The following LRMDA variants were observed in gnomAD, a reference collection of about 807,000 sequenced individuals.
LRMDA encodes the protein leucine-rich melanocyte differentiation-associated protein.
LRMDA carries 18 observed loss-of-function variants against 29.8 expected under a neutral mutation model. The ratio of observed to expected loss-of-function variants is 0.60; its 90% CI spans 0.42 to 0.90. LRMDA has a LOEUF of 0.90. Among genes scored for constraint, LRMDA ranks in the 40% least tolerant of loss-of-function variants. The pLI is 0.00. For missense variants in LRMDA, 273 were observed against 273.9 expected, an observed-to-expected ratio of 1.00 and a Z score of 0.02; for synonymous variants, 125 against 109.4, an observed-to-expected ratio of 1.14 and a Z score of -0.89.
chr10:76,078,176 A>AT, intron 5 of LRMDA, among the ~76,000 whole-genome samples: 1 of 150,892 alleles, frequency 6.6e-6, no homozygotes, highest in East Asian at 2.0e-4. Flanking sequence ...AGTCCGGCTA[A>AT]TTTTTTGTAT....
intron 2 of LRMDA, among the ~76,000 whole-genome samples, chr10:75,574,063 T>G (rs1341970830): frequency 6.6e-6 from 1 of 152,090 alleles, no homozygotes; most frequent in Non-Finnish European, 1.5e-5. Context: ...CCCCTTTTTA[T>G]ATATTGGGTA....
At chr10:76,399,256 G>A (rs999417590) in intron 6 of LRMDA, among the ~76,000 whole-genome samples, 17 of 152,130 alleles carry the variant, frequency 1.1e-4, no homozygotes, top group Admixed American at 2.6e-4. Flanking sequence ...AGGGGCCTTT[G>A]CCTGCATCTA....
At chr10:76,428,790 T>C (rs1842157687) in intron 6 of LRMDA, among the ~76,000 whole-genome samples, 1 of 152,040 alleles carries the variant, frequency 6.6e-6, no homozygotes, top group African/African-American at 2.4e-5. Flanking sequence ...AAAGAAACCA[T>C]ATTCAGGACT....
chr10:76,296,639 T>C (rs1423821899), intron 5 of LRMDA, among the ~76,000 whole-genome samples: 1 of 152,222 alleles, frequency 6.6e-6, no homozygotes, highest in Non-Finnish European at 1.5e-5. Flanking sequence ...TTAATAAAGT[T>C]TATTAAAACA....
chr10:76,031,990 C>T (rs147369433), intron 2 of LRMDA, among the ~76,000 whole-genome samples: 1 of 152,200 alleles, frequency 6.6e-6, no homozygotes, highest in Non-Finnish European at 1.5e-5. Context: ...ATTCTTAGCA[C>T]AGCCTAGATC....
chr10:76,276,329 T>G (rs1465327154), intron 5 of LRMDA, among the ~76,000 whole-genome samples: 1 of 151,514 alleles, frequency 6.6e-6, no homozygotes, highest in Non-Finnish European at 1.5e-5. Flanking sequence ...TTTTTTGCAG[T>G]GATGGGGTCT....
In LRMDA at chr10:75,811,566, C is replaced by A. The variant is rs185812518; in HGVS notation, c.132-224442C>A. On this transcript the variant is annotated intron_variant, in intron 2 of 6. Transcript: ENST00000611255. ...ATTTTAGGACTGAGGGCACTGAGAT[C>A]CAGAGAGATGTTACTTCAACAATCA... Among the ~76,000 whole-genome samples the A allele has an allele frequency of 2.1e-4, 32 of 152,250 alleles. 1 individual carries two copies. Among genetic ancestry groups the A allele is most frequent in the Non-Finnish European group, 3.7e-4 (25 of 68,026 alleles).
intron 5 of LRMDA, among the ~76,000 whole-genome samples, chr10:76,233,068 T>A (rs527647959): frequency 6.6e-6 from 1 of 152,344 alleles, no homozygotes; most frequent in Admixed American, 6.5e-5. Flanking sequence ...AGAATTTAAC[T>A]TGTAGCTTGG....
At chr10:76,042,686 T>A (rs935814109) in intron 3 of LRMDA, among the ~76,000 whole-genome samples, 1 of 152,188 alleles carries the variant, frequency 6.6e-6, no homozygotes, top group Non-Finnish European at 1.5e-5. Flanking sequence ...TAGAGAAACT[T>A]TTTTCCTGCA....
intron 2 of LRMDA, among the ~76,000 whole-genome samples, chr10:75,477,498 C>A: frequency 6.6e-6 from 1 of 152,306 alleles, no homozygotes; most frequent in Middle Eastern, 3.4e-3. Context: ...GAATCAAACA[C>A]CTACATGTTC....
At chr10:76,164,107 A>G (rs1589359071) in intron 5 of LRMDA, among the ~76,000 whole-genome samples, 1 of 150,208 alleles carries the variant, frequency 6.7e-6, no homozygotes, top group Non-Finnish European at 1.5e-5. Context: ...TTTAGAAATC[A>G]TTTAATTAAA....
chr10:76,189,652 A>C (rs1230031461), intron 5 of LRMDA, among the ~76,000 whole-genome samples: 4 of 152,200 alleles, frequency 2.6e-5, no homozygotes, highest in African/African-American at 9.6e-5. Context: ...GTATTGCTGT[A>C]TTTTCCTTGA....
chr10:76,152,115 A>C (rs1424859482), intron 5 of LRMDA, among the ~76,000 whole-genome samples: 1 of 152,174 alleles, frequency 6.6e-6, no homozygotes, highest in African/African-American at 2.4e-5. Context: ...ACCACTATTC[A>C]ATCAAAAACA....
chr10:76,378,878 A>T, intron 6 of LRMDA, among the ~76,000 whole-genome samples: 2 of 90,550 alleles, frequency 2.2e-5, no homozygotes, highest in East Asian at 2.9e-4. Flanking sequence ...TTTTTTTGAG[A>T]CGATGTCTTG....
At chr10:75,751,185 C>T (rs1360708380) in intron 2 of LRMDA, among the ~76,000 whole-genome samples, 2 of 152,186 alleles carry the variant, frequency 1.3e-5, no homozygotes, top group South Asian at 2.1e-4. Context: ...CGTGGCGGCG[C>T]GTGCCTGCAA....
chr10:75,988,690 AC>A (rs1185541477), intron 2 of LRMDA, among the ~76,000 whole-genome samples: 2 of 151,996 alleles, frequency 1.3e-5, no homozygotes, highest in Non-Finnish European at 1.5e-5. Context: ...GTTAGATGAG[AC>A]CCTGTTACTC....
At chr10:76,453,444 A>T (rs1321871716) in intron 6 of LRMDA, among the ~76,000 whole-genome samples, 1 of 152,200 alleles carries the variant, frequency 6.6e-6, no homozygotes, top group Admixed American at 6.5e-5. Context: ...TGAAACATGT[A>T]TTCCCAAGAC....
chr10:76,089,839 A>C (rs1479850984), intron 5 of LRMDA, among the ~76,000 whole-genome samples: 1 of 152,206 alleles, frequency 6.6e-6, no homozygotes, highest in African/African-American at 2.4e-5. Flanking sequence ...TGAAAAGTCA[A>C]ACTGTGTAAA....
chr10:75,563,144 C>T (rs1840321799), intron 2 of LRMDA, among the ~76,000 whole-genome samples: 1 of 152,112 alleles, frequency 6.6e-6, no homozygotes, highest in African/African-American at 2.4e-5. Flanking sequence ...TGGTTCCATT[C>T]TCCCCGTCAC....
Sources: allele counts gnomAD v4.1 joint callset (sites outside exome capture counted in the v4.1 genomes callset), GRCh38; gene constraint gnomAD v4.1.1; transcripts MANE v1.5; gene names NCBI Gene and HGNC (gene_info 2026-07-23, HGNC 2026-07-21).